CHEK2: variants seen among roughly 807,000 people sequenced by gnomAD.
CHEK2 encodes serine/threonine-protein kinase Chk2.
Under a neutral mutation model 69.1 loss-of-function variants are expected in CHEK2, and 71 were observed. The ratio of observed to expected loss-of-function variants is 1.03; its 90% CI spans 0.85 to 1.25. The LOEUF (loss-of-function observed/expected upper bound fraction) is 1.25. Ranked by LOEUF, CHEK2 falls within the 50% of genes most tolerant of loss-of-function variation. The pLI, the probability that CHEK2 is intolerant of heterozygous loss-of-function variation, is 0.00. For missense variants in CHEK2, 664 were observed against 649.6 expected (o/e 1.02, Z -0.24); for synonymous variants, 189 against 226.9 (o/e 0.83, Z 1.50).
At chr22:28,714,486 G>A (rs896427153) in intron 5 of CHEK2, among the ~76,000 whole-genome samples, 1 of 152,034 alleles carries the variant, frequency 6.6e-6, no homozygotes, top group Non-Finnish European at 1.5e-5. Context: ...ATGGCAGGTT[G>A]TTTGTTTTTT....
intron 2 of CHEK2, among the ~76,000 whole-genome samples, chr22:28,731,672 A>G (rs1258864826): frequency 6.6e-6 from 1 of 151,992 alleles, no homozygotes; most frequent in Admixed American, 6.6e-5. Context: ...TCCTATCAGG[A>G]TCTTTGTTTA....
At chr22:28,698,851 C>A (rs1445467277) in intron 9 of CHEK2, among the ~76,000 whole-genome samples, 2 of 152,122 alleles carry the variant, frequency 1.3e-5, no homozygotes, top group African/African-American at 4.8e-5. Context: ...ACCCATCTGT[C>A]ACAATCATCA....
intron 5 of CHEK2, among the ~76,000 whole-genome samples, chr22:28,717,509 G>A (rs923237819): frequency 2.6e-5 from 4 of 152,098 alleles, no homozygotes; most frequent in Non-Finnish European, 5.9e-5. Flanking sequence ...TGAGGCAGGA[G>A]GATAACTTGA....
chr22:28,712,462 A>G (rs185871439), intron 5 of CHEK2, among the ~76,000 whole-genome samples: 2 of 152,350 alleles, frequency 1.3e-5, no homozygotes, highest in East Asian at 1.9e-4. Context: ...CTTATTCTCC[A>G]TCTTCAAAGG....
intron 4 of CHEK2, 112 bp from the exon 5 acceptor site, chr22:28,719,597 TA>T: frequency 4.5e-6 from 3 of 671,072 alleles, no homozygotes; most frequent in Non-Finnish European, 5.3e-6. Context: ...TAACTACATT[TA>T]ACATGTAACC....
chr22:28,712,854 A>T (rs956665919), intron 5 of CHEK2, among the ~76,000 whole-genome samples: 3 of 152,216 alleles, frequency 2.0e-5, no homozygotes, highest in African/African-American at 7.2e-5. Context: ...AAAGTGTACA[A>T]TTCAGTAGCA....
At position 28,722,555 on chromosome 22, in the gene CHEK2, AAAAAGAAAAG is replaced by A. The variant is rs1320427841; in HGVS notation, c.592+2412_592+2421del. Among the ~76,000 whole-genome samples the A allele has an allele frequency of 7.6e-4, 112 of 146,670 alleles. 1 individual carries two copies. Among genetic ancestry groups the A allele is most frequent in the African/African-American group, 2.7e-3 (102 of 38,136 alleles). On this transcript the variant is annotated intron_variant, in intron 4 of 14. Coordinates refer to ENST00000404276, the MANE Select transcript of CHEK2 (RefSeq NM_007194.4). ...ACTCCGTCTCAAAAAAAAAAAAAAA[AAAAAGAAAAG>A]AAAAGAAAAGAAAACAAAATAGTCA...
Position 28,693,912 on chromosome 22 carries a change from T to C in CHEK2, c.1461+120A>G. 1.4e-5 allele frequency: 11 copies of C among 761,558 alleles called. No individual in the cohort carries two copies. In the South Asian group the frequency reaches 1.5e-4, roughly 10 times the overall value. 47.2% of individuals were successfully genotyped at this position (761,558 alleles called of 1,614,324 possible). A position where few individuals can be genotyped will look rare whatever the true frequency, so the allele number is the denominator to read the frequency against. ...CATCCTCCAAGATACCCCCCATACA[T>C]CTAAAACAATTAGATTAAACACTCA... is the stretch of plus-strand genomic sequence containing the variant. On this transcript the variant is annotated intron_variant, in intron 13 of 14. Transcript: ENST00000404276.
At chr22:28,735,472 T>C (rs1236339174) in intron 1 of CHEK2, among the ~76,000 whole-genome samples, 1 of 152,204 alleles carries the variant, frequency 6.6e-6, no homozygotes, top group Non-Finnish European at 1.5e-5. Context: ...GTTTAGACTT[T>C]CTGTGAAAGC....
rs200050883 is a variant in CHEK2, at chr22:28,695,190, C to A, written c.1312G>T (p.Asp438Tyr). The A allele has an allele frequency of 3.8e-4, 606 of 1,613,498 alleles. 3 individuals carry two copies. Among genetic ancestry groups the A allele is most frequent in the Middle Eastern group, 3.5e-3 (21 of 6,054 alleles). Residue 438 changes from aspartate (D) to tyrosine (Y), a missense_variant, in exon 12 of 15, where the codon GAT (aspartate) becomes TAT (tyrosine). By Grantham distance (160) the Asp-to-Tyr change is radical. Transcript: ENST00000404276. Reference protein sequence around the residue: ...SEHRTQVSLKDQITSGKYNFI... With the variant: ...SEHRTQVSLKYQITSGKYNFI... ...TTGTATTTTCCACTGGTGATCTGAT[C>A]CTTCAGTGACACTTGAGTCCTATGC...
intron 7 of CHEK2, among the ~76,000 whole-genome samples, chr22:28,705,968 A>AAAAGTAAACT: frequency 6.8e-6 from 1 of 147,536 alleles, no homozygotes; most frequent in Middle Eastern, 3.4e-3. Flanking sequence ...AACTAAACTA[A>AAAAGTAAACT]AAACTAAACT....
In CHEK2 at chr22:28,736,262, A is replaced by G. The variant is rs138526853; in HGVS notation, c.-6-1535T>C. On this transcript the variant is annotated intron_variant, in intron 1 of 14. Coordinates refer to ENST00000404276, the MANE Select transcript of CHEK2 (RefSeq NM_007194.4). ...ACTTTGGAAAGCAAAAGAAGACAAAAAATCAGGTGGCTTGATATAAAAGTC... is the reference window on the plus strand; with the variant it reads ...ACTTTGGAAAGCAAAAGAAGACAAAGAATCAGGTGGCTTGATATAAAAGTC... Among the ~76,000 whole-genome samples the G allele has an allele frequency of 7.6e-3, 1,165 of 152,336 alleles. 16 individuals carry two copies. Among genetic ancestry groups the G allele is most frequent in the African/African-American group, 0.027 (1,124 of 41,570 alleles).
chr22:28,703,679 C>G, intron 7 of CHEK2, 113 bp from the exon 8 acceptor site: 2 of 704,174 alleles, frequency 2.8e-6, no homozygotes, highest in South Asian at 3.3e-5. Flanking sequence ...AGGCATCTGG[C>G]CCCCTGCCTC....
At position 28,725,351 on chromosome 22, in the gene CHEK2, GT is replaced by G; in HGVS notation, c.335del (p.Asn112ThrfsTer19). On this transcript the variant is annotated frameshift_variant, in exon 3 of 15. Coordinates refer to ENST00000404276, the MANE Select transcript of CHEK2 (RefSeq NM_007194.4). LOFTEE classifies it high-confidence loss of function. ...AGCTTTTGTCCCTCCCAAACCAGTAGTTGTCATTCACACATTCTGTAATATA... is the reference window on the plus strand; with the variant it reads ...AGCTTTTGTCCCTCCCAAACCAGTAGTGTCATTCACACATTCTGTAATATA... ...GFANLECVND[N>X]YWFGRDKSCE... 1 of 1,614,092 alleles carries G rather than the reference GT, an allele frequency of 6.2e-7. No homozygotes were observed. Among genetic ancestry groups the G allele is most frequent in the Non-Finnish European group, 8.5e-7 (1 of 1,179,998 alleles).
At chr22:28,717,578 A>T (rs866033501) in intron 5 of CHEK2, among the ~76,000 whole-genome samples, 3 of 151,718 alleles carry the variant, frequency 2.0e-5, no homozygotes, top group Non-Finnish European at 2.9e-5. Flanking sequence ...ACAGTAAAAA[A>T]AAAAATAAAA....
intron 7 of CHEK2, among the ~76,000 whole-genome samples, chr22:28,706,469 G>C (rs907744100): frequency 2.0e-5 from 3 of 152,040 alleles, no homozygotes; most frequent in African/African-American, 4.8e-5. Flanking sequence ...TTTGAGACAG[G>C]GTCTCACTCT....
chr22:28,689,440 C>CCA (rs1177142623), intron 13 of CHEK2: 5 of 513,312 alleles, frequency 9.7e-6, no homozygotes, highest in Non-Finnish European at 1.8e-5. Flanking sequence ...TGACTCACAT[C>CCA]CACATGCCTA....
chr22:28,705,161 C>T (rs1361119482), intron 7 of CHEK2, among the ~76,000 whole-genome samples: 1 of 150,766 alleles, frequency 6.6e-6, no homozygotes, highest in Non-Finnish European at 1.5e-5. Flanking sequence ...TCACTGCAAG[C>T]TCTGCCTCCC....
intron 13 of CHEK2, among the ~76,000 whole-genome samples, 173 bp downstream of exon 13, chr22:28,693,858 CA>C (rs556335113): frequency 2.5e-4 from 36 of 144,988 alleles, no homozygotes; most frequent in African/African-American, 3.0e-4. Context: ...GAACCTGTCT[CA>C]AAAAAAAAAA....
Sources: allele counts gnomAD v4.1 joint callset (sites outside exome capture counted in the v4.1 genomes callset), GRCh38; gene constraint gnomAD v4.1.1; transcripts MANE v1.5; gene names NCBI Gene and HGNC (gene_info 2026-07-23, HGNC 2026-07-21).